The following CNBD1 variants were observed in gnomAD, a reference collection of about 807,000 sequenced individuals.
CNBD1 encodes cyclic nucleotide-binding domain-containing protein 1.
In CNBD1, 71 loss-of-function variants were observed where a neutral mutation model predicts 54.4. That is an observed-to-expected ratio of 1.30 (90% CI 1.08 to 1.59). The LOEUF (loss-of-function observed/expected upper bound fraction) is 1.59. Ranked by LOEUF, CNBD1 falls within the 40% of genes most tolerant of loss-of-function variation. The pLI is 0.00. For synonymous variants in CNBD1, 182 were observed against 170.7 expected (o/e 1.07, Z -0.51); for missense variants, 659 against 518.0 (o/e 1.27, Z -2.64).
At chr8:87,055,455 A>G (rs1411490543) in intron 4 of CNBD1, among the ~76,000 whole-genome samples, 2 of 151,390 alleles carry the variant, frequency 1.3e-5, no homozygotes, top group African/African-American at 4.9e-5. Context: ...CTCCCTGTGC[A>G]AGCTCCCATG....
intron 2 of CNBD1, among the ~76,000 whole-genome samples, chr8:87,390,351 T>C (rs1811282481): frequency 6.6e-6 from 1 of 152,200 alleles, no homozygotes; most frequent in Admixed American, 6.5e-5. Flanking sequence ...TCTACTCATC[T>C]GACAAAGGGC....
At chr8:87,346,005 A>G (rs1474986880) in intron 8 of CNBD1, among the ~76,000 whole-genome samples, 1 of 152,074 alleles carries the variant, frequency 6.6e-6, no homozygotes, top group African/African-American at 2.4e-5. Flanking sequence ...CCTGATTATA[A>G]TATAAAAAGT....
chr8:86,991,055 A>G (rs1290036368), intron 4 of CNBD1, among the ~76,000 whole-genome samples: 1 of 152,172 alleles, frequency 6.6e-6, no homozygotes, highest in Non-Finnish European at 1.5e-5. Flanking sequence ...TACTGAATTT[A>G]TCAGTTCTGA....
At chr8:87,222,894 A>C (rs1425827729) in intron 5 of CNBD1, among the ~76,000 whole-genome samples, 1 of 152,110 alleles carries the variant, frequency 6.6e-6, no homozygotes, top group Non-Finnish European at 1.5e-5. Context: ...CCTCATGAGA[A>C]TGGTTCTTTG....
chr8:87,116,780 C>A (rs1209610396), intron 4 of CNBD1, among the ~76,000 whole-genome samples: 2 of 152,086 alleles, frequency 1.3e-5, no homozygotes, highest in Admixed American at 1.3e-4. Flanking sequence ...GGCCTGAGGT[C>A]AACTGCAATG....
chr8:86,966,972 C>T (rs756542583), intron 4 of CNBD1, among the ~76,000 whole-genome samples: 13 of 152,088 alleles, frequency 8.5e-5, no homozygotes, highest in African/African-American at 3.1e-4. Flanking sequence ...CTGATTGGTC[C>T]GTTTTACAGA....
At chr8:87,297,673 C>T (rs1187238856) in intron 8 of CNBD1, among the ~76,000 whole-genome samples, 2 of 151,620 alleles carry the variant, frequency 1.3e-5, no homozygotes, top group Non-Finnish European at 2.9e-5. Context: ...TGTAATCACA[C>T]ATTTACAGAT....
At position 87,192,467 on chromosome 8, in the gene CNBD1, G is replaced by A. The variant is rs116234879; in HGVS notation, c.432-13526G>A. Among the ~76,000 whole-genome samples, 1,231 of 152,218 alleles carry A rather than the reference G, an allele frequency of 8.1e-3. 28 individuals are homozygous for A. The highest frequency in any genetic ancestry group is 0.023 in the African/African-American group (963 of 41,536). On this transcript the variant is annotated intron_variant, in intron 4 of 10. Coordinates refer to ENST00000518476, the MANE Select transcript of CNBD1 (RefSeq NM_173538.3). ...GGGGCTAAAGTGGATGGAAATCTACGCTCTGGAATGAGACTCCCTGAGATA... is the reference window on the plus strand; with the variant it reads ...GGGGCTAAAGTGGATGGAAATCTACACTCTGGAATGAGACTCCCTGAGATA...
intron 4 of CNBD1, among the ~76,000 whole-genome samples, chr8:87,181,081 G>A (rs930131597): frequency 2.6e-5 from 4 of 151,948 alleles, no homozygotes; most frequent in Non-Finnish European, 4.4e-5. Flanking sequence ...AACTGATAAC[G>A]TCCTCCCTTA....
At chr8:87,023,311 T>C (rs1056728771) in intron 4 of CNBD1, among the ~76,000 whole-genome samples, 1 of 152,172 alleles carries the variant, frequency 6.6e-6, no homozygotes, top group Non-Finnish European at 1.5e-5. Context: ...AGAATAAACA[T>C]AGAATATTCC....
intron 8 of CNBD1, among the ~76,000 whole-genome samples, chr8:87,343,467 C>A (rs547345857): frequency 6.6e-6 from 1 of 152,182 alleles, no homozygotes; most frequent in Admixed American, 6.5e-5. Context: ...CAACTTAATT[C>A]TTCTGCCATG....
At chr8:86,958,457 G>A (rs1807836957) in intron 4 of CNBD1, among the ~76,000 whole-genome samples, 1 of 152,162 alleles carries the variant, frequency 6.6e-6, no homozygotes, top group African/African-American at 2.4e-5. Context: ...TATTGTGTGG[G>A]AGTCTAAGTC....
At chr8:87,077,320 TC>T (rs1810892214) in intron 4 of CNBD1, among the ~76,000 whole-genome samples, 1 of 152,066 alleles carries the variant, frequency 6.6e-6, no homozygotes, top group South Asian at 2.1e-4. Flanking sequence ...GTGAGGGTTC[TC>T]TTCCCGGTTT....
chr8:87,417,182 G>A (rs920952740), intron 2 of CNBD1, among the ~76,000 whole-genome samples: 1 of 151,932 alleles, frequency 6.6e-6, no homozygotes, highest in Non-Finnish European at 1.5e-5. Context: ...CAAGGTGGAA[G>A]GTGAAGGAAA....
intron 6 of CNBD1, among the ~76,000 whole-genome samples, chr8:87,254,065 G>T (rs186844034): frequency 1.7e-3 from 252 of 152,282 alleles, no homozygotes; most frequent in Admixed American, 4.1e-3. Context: ...GTAGAACTTT[G>T]AGATGTGACT....
intron 6 of CNBD1, among the ~76,000 whole-genome samples, chr8:87,277,329 A>G (rs1386705090): frequency 6.6e-6 from 1 of 151,478 alleles, no homozygotes; most frequent in East Asian, 1.9e-4. Context: ...TTTGGATAAG[A>G]CCCACCCACA....
In CNBD1 at chr8:87,163,989, G is replaced by T. The variant is rs1812910475; in HGVS notation, c.432-42004G>T. ...TTTCCTCCTGTACCTAATTTGTTGA[G>T]AATTTCTATTTTTGAAAGAATGCCT... On this transcript the variant is annotated intron_variant, in intron 4 of 10. Coordinates refer to ENST00000518476, the MANE Select transcript of CNBD1 (RefSeq NM_173538.3). The surrounding 1 kb of genome is among the most constrained non-coding windows in gnomAD (Gnocchi z 4.5). Among the ~76,000 whole-genome samples the T allele has an allele frequency of 6.6e-6, 1 of 151,706 alleles. No individual in the cohort carries two copies. Among genetic ancestry groups the T allele is most frequent in the African/African-American group, 2.4e-5 (1 of 41,350 alleles).
At chr8:87,041,061 A>T (rs1388913492) in intron 4 of CNBD1, among the ~76,000 whole-genome samples, 1 of 152,086 alleles carries the variant, frequency 6.6e-6, no homozygotes, top group Non-Finnish European at 1.5e-5. Context: ...TTGCCATTTA[A>T]AAGTAATAGC....
chr8:86,985,057 G>A (rs1485804853), intron 4 of CNBD1, among the ~76,000 whole-genome samples: 1 of 152,088 alleles, frequency 6.6e-6, no homozygotes, highest in Non-Finnish European at 1.5e-5. Flanking sequence ...TTGAATCATG[G>A]GGGCAGGTCT....
Sources: gnomAD v4.1 joint callset for allele counts (sites outside exome capture counted in the v4.1 genomes callset) on GRCh38, gnomAD v4.1.1 for gene constraint, Gnocchi (gnomAD v3.1) non-coding constraint, MANE v1.5 for transcripts, NCBI Gene and HGNC (gene_info 2026-07-23, HGNC 2026-07-21) for gene names.